The following ZC4H2 variants were observed in gnomAD, a reference collection of about 807,000 sequenced individuals.
ZC4H2 encodes zinc finger C4H2-type containing.
For synonymous variants in ZC4H2, 84 were observed against 66.3 expected (o/e 1.27, Z -1.30); for missense variants, 137 against 173.9 (o/e 0.79, Z 1.19).
At chrX:65,015,639 C>G (rs1028689795) in intron 1 of ZC4H2, among the ~76,000 whole-genome samples, 1 of 112,280 alleles carries the variant, frequency 8.9e-6, no homozygotes, top group African/African-American at 3.2e-5. Context: ...CTTATACACT[C>G]TTTTCTCAGG....
intron 1 of ZC4H2, among the ~76,000 whole-genome samples, chrX:64,954,225 G>A (rs1435368938): frequency 2.0e-5 from 2 of 99,816 alleles, no homozygotes; most frequent in African/African-American, 3.9e-5. Flanking sequence ...TGTAAATGAC[G>A]AGTTAATGGG....
At chrX:64,964,571 A>T (rs1931520850) in intron 1 of ZC4H2, among the ~76,000 whole-genome samples, 1 of 111,784 alleles carries the variant, frequency 8.9e-6, no homozygotes, top group Non-Finnish European at 1.9e-5. Context: ...CCCAGGGAAA[A>T]CAACTTTGAA....
intron 1 of ZC4H2, among the ~76,000 whole-genome samples, chrX:64,951,892 T>G (rs1054626289): frequency 9.0e-6 from 1 of 111,673 alleles, no homozygotes; most frequent in Admixed American, 9.5e-5. Context: ...ATGTCCTGAA[T>G]GGTAATGCCT....
chrX:64,949,736 CTT>C (rs780272391), intron 1 of ZC4H2, among the ~76,000 whole-genome samples: 1 of 111,442 alleles, frequency 9.0e-6, no homozygotes, highest in African/African-American at 3.3e-5. Context: ...ATTCTACTCT[CTT>C]TTCTTCTTTA....
rs1313086465 is a variant in ZC4H2 at position 64,951,816 on chromosome X, T to C, written c.53+24509A>G. 9.0e-5 allele frequency among the ~76,000 whole-genome samples: 10 copies of C among 111,349 alleles called. 1 individual carries two copies. The highest frequency in any genetic ancestry group is 7.6e-4 in the Admixed American group (8 of 10,535). On this transcript the variant is annotated intron_variant, in intron 1 of 4. Transcript: ENST00000374839. ...GCTCTTTAGTTTAATTAGATCCCAT[T>C]TGTCAATTTTGGCTTTTGTTGCCAT...
chrX:64,964,697 C>A (rs1438763982), intron 1 of ZC4H2, among the ~76,000 whole-genome samples: 1 of 111,230 alleles, frequency 9.0e-6, no homozygotes, highest in Non-Finnish European at 1.9e-5. Flanking sequence ...AAAATGATAG[C>A]AGAGGGAAAT....
At chrX:64,961,078 T>C (rs957785774) in intron 1 of ZC4H2, among the ~76,000 whole-genome samples, 33 of 111,661 alleles carry the variant, frequency 3.0e-4, no homozygotes, top group African/African-American at 9.4e-4. Flanking sequence ...TGTCTTTCTG[T>C]CTATTTCTAC....
intron 1 of ZC4H2, among the ~76,000 whole-genome samples, chrX:65,021,877 A>G (rs1932839330): frequency 8.9e-6 from 1 of 112,045 alleles, no homozygotes. Context: ...ACTAACTACC[A>G]TCAGAGAATA....
At chrX:64,952,821 C>T (rs1333604378) in intron 1 of ZC4H2, among the ~76,000 whole-genome samples, 1 of 110,937 alleles carries the variant, frequency 9.0e-6, no homozygotes, top group African/African-American at 3.3e-5. Flanking sequence ...AAAAAAACTA[C>T]TGTAAAGTTC....
chrX:65,014,887 T>A (rs1009773379), intron 1 of ZC4H2, among the ~76,000 whole-genome samples: 2 of 111,945 alleles, frequency 1.8e-5, no homozygotes, highest in African/African-American at 6.5e-5. Context: ...TAATTCTCAA[T>A]ATTATGTGTC....
intron 1 of ZC4H2, among the ~76,000 whole-genome samples, chrX:64,966,111 A>G (rs1284334059): frequency 1.8e-5 from 2 of 112,015 alleles, no homozygotes; most frequent in African/African-American, 3.2e-5. Flanking sequence ...ATCAGTAAAC[A>G]AACAGCCCAG....
intron 1 of ZC4H2, among the ~76,000 whole-genome samples, chrX:65,021,510 A>G (rs1932836249): frequency 9.0e-6 from 1 of 111,522 alleles, no homozygotes; most frequent in African/African-American, 3.3e-5. Context: ...TCTCTGGGAC[A>G]CATTTAAAGC....
intron 1 of ZC4H2, among the ~76,000 whole-genome samples, chrX:64,989,773 A>G (rs965573361): frequency 8.9e-6 from 1 of 112,292 alleles, no homozygotes; most frequent in African/African-American, 3.2e-5. Flanking sequence ...CTACATGAAA[A>G]TTTCTTCAAC....
In ZC4H2 at chrX:64,944,974, C is replaced by A. The variant is rs773676994; in HGVS notation, c.54-22986G>T. Among the ~76,000 whole-genome samples the A allele has an allele frequency of 3.7e-4, 42 of 112,487 alleles. 1 individual carries two copies. The South Asian group carries it at 0.015, about 42-fold the overall frequency. On this transcript the variant is annotated intron_variant, in intron 1 of 4. Transcript: ENST00000374839. Reference sequence around the variant, plus strand: ...AAACTGGTTATTCTAGTTAGCAGTTCTTGTCAACTTTTATAAAATTTCTTA... The same window carrying A: ...AAACTGGTTATTCTAGTTAGCAGTTATTGTCAACTTTTATAAAATTTCTTA...
At chrX:64,930,174 CATT>C (rs1446083094) in intron 1 of ZC4H2, among the ~76,000 whole-genome samples, 3 of 111,348 alleles carry the variant, frequency 2.7e-5, no homozygotes, top group Non-Finnish European at 3.8e-5. Context: ...TCAGCTTAGT[CATT>C]GTTGGTATAT....
intron 1 of ZC4H2, among the ~76,000 whole-genome samples, chrX:65,002,593 C>T (rs1258510705): frequency 5.4e-5 from 6 of 111,566 alleles, no homozygotes; most frequent in African/African-American, 1.3e-4. Flanking sequence ...GCCATGATGA[C>T]GATGGCGGTT....
chrX:64,998,143 T>C (rs1003386875), intron 1 of ZC4H2, among the ~76,000 whole-genome samples: 2 of 110,950 alleles, frequency 1.8e-5, no homozygotes, highest in Non-Finnish European at 3.8e-5. Flanking sequence ...ATATAAGACA[T>C]ACAGAAAGCA....
At chrX:65,006,909 T>G (rs1488867106) in intron 1 of ZC4H2, among the ~76,000 whole-genome samples, 3 of 112,344 alleles carry the variant, frequency 2.7e-5, no homozygotes, top group Non-Finnish European at 5.6e-5. Context: ...TCCAGTTACA[T>G]GATATTTATT....
At chrX:64,955,333 A>T (rs1034709498) in intron 1 of ZC4H2, among the ~76,000 whole-genome samples, 1 of 111,665 alleles carries the variant, frequency 9.0e-6, no homozygotes, top group Non-Finnish European at 1.9e-5. Context: ...ATAACAGTAG[A>T]TTATTATGCT....
Sources: gnomAD v4.1 joint callset for allele counts (sites outside exome capture counted in the v4.1 genomes callset) on GRCh38, gnomAD v4.1.1 for gene constraint, MANE v1.5 for transcripts, NCBI Gene and HGNC (gene_info 2026-07-23, HGNC 2026-07-21) for gene names.